NTRK1: variants seen among roughly 807,000 people sequenced by gnomAD.
NTRK1 encodes high affinity nerve growth factor receptor.
In NTRK1, 62 loss-of-function variants were observed where a neutral mutation model predicts 86.8. The ratio of observed to expected loss-of-function variants is 0.71; its 90% CI spans 0.58 to 0.88. The LOEUF is 0.88. NTRK1 is among the 40% of genes least tolerant of loss of function. The probability of loss-of-function intolerance (pLI) is 0.00; values close to 1 mark genes in which losing one functional copy is unlikely to be tolerated. For synonymous variants in NTRK1, 469 were observed against 456.6 expected (o/e 1.03, Z -0.35); for missense variants, 967 against 1,078.4 (o/e 0.90, Z 1.45).
intron 1 of NTRK1, chr1:156,841,565 T>G: frequency 6.2e-7 from 1 of 1,613,416 alleles, no homozygotes; most frequent in African/African-American, 1.3e-5. Flanking sequence ...CCAGCACCCT[T>G]CGTGCTACTC....
At chr1:156,842,935 C>A (rs913059285) in intron 2 of NTRK1, 110 of 1,242,102 alleles carry the variant, frequency 8.9e-5, no homozygotes, top group Non-Finnish European at 1.2e-4. Flanking sequence ...TCATCTCTGA[C>A]CCTTTCTTTC....
rs777123174 is a variant in NTRK1 at position 156,876,506 on chromosome 1, C to A, written c.1739C>A (p.Thr580Asn). The change falls in exon 14 of 17, where the codon ACC becomes AAC. Residue 580 changes from threonine to asparagine, a missense_variant. Coordinates refer to ENST00000524377, the MANE Select transcript of NTRK1 (RefSeq NM_002529.4). ...QHIVRFFGVC[T>N]EGRPLLMVFE... ...ATCGTGCGCTTCTTCGGCGTCTGCA[C>A]CGAGGGCCGCCCCCTGCTCATGGTC... is the stretch of plus-strand genomic sequence containing the variant. The A allele has an allele frequency of 3.7e-6, 6 of 1,613,602 alleles. No individual in the cohort carries two copies. Among genetic ancestry groups the A allele is most frequent in the Admixed American group, 1.7e-5 (1 of 60,000 alleles).
intron 13 of NTRK1, 42 bp from the exon 14 acceptor site, chr1:156,876,358 C>A (rs1048669398): frequency 1.2e-6 from 2 of 1,612,692 alleles, no homozygotes; most frequent in Non-Finnish European, 1.7e-6. Context: ...GCAGTGAGGG[C>A]TCGGCCCCCA....
At chr1:156,818,766 C>T (rs112233754) in intron 1 of NTRK1, among the ~76,000 whole-genome samples, 4,969 of 152,268 alleles carry the variant, frequency 0.033, 322 homozygotes, top group African/African-American at 0.11. Flanking sequence ...CAATTGCAAA[C>T]TGTGCTGCTA....
intron 1 of NTRK1, chr1:156,841,199 C>T: frequency 1.9e-6 from 2 of 1,079,526 alleles, no homozygotes; most frequent in Admixed American, 2.0e-5. Context: ...GAGTGGGGAT[C>T]GTGGGCCATT....
chr1:156,834,703 G>C (rs1375435603), intron 1 of NTRK1, among the ~76,000 whole-genome samples: 1 of 151,626 alleles, frequency 6.6e-6, no homozygotes, highest in African/African-American at 2.4e-5. Context: ...TTCCAGCCTG[G>C]GTGATAGAGA....
upstream of NTRK1, among the ~76,000 whole-genome samples, chr1:156,857,672 C>T (rs1023213967): frequency 6.6e-6 from 1 of 152,180 alleles, no homozygotes. Context: ...CATCACTCTC[C>T]CATCTCCATG....
rs373158861 is a variant in NTRK1 at position 156,876,549 on chromosome 1, C to T, written c.1782C>T (p.His594=). The part of the protein sequence containing the change: ...PLLMVFEYMR[H]GDLNRFLRSH... The stretch of plus-strand genomic sequence containing the variant: ...TCATGGTCTTTGAGTATATGCGGCA[C>T]GGGGACCTCAACCGCTTCCTCCGGT... The change falls in exon 14 of 17, where the codon CAC becomes CAT. Residue 594 remains histidine (H), a synonymous_variant. Transcript: ENST00000524377. 10 of 1,612,858 alleles carry T rather than the reference C, an allele frequency of 6.2e-6. No homozygotes were observed. The highest frequency in any genetic ancestry group is 1.7e-4 in the Middle Eastern group (1 of 6,036).
chr1:156,867,972 CAG>C, intron 4 of NTRK1, 130 bp from the exon 5 acceptor site: 1 of 1,006,916 alleles, frequency 9.9e-7, no homozygotes. Flanking sequence ...TTACTGGAGT[CAG>C]AGAGAAAGAC....
At chr1:156,829,279 G>A (rs1047111791) in intron 1 of NTRK1, among the ~76,000 whole-genome samples, 3 of 152,190 alleles carry the variant, frequency 2.0e-5, no homozygotes, top group African/African-American at 7.2e-5. Context: ...TGTCTCAACA[G>A]GGGACAGTGG....
At chr1:156,838,441 T>C (rs1455324335) in intron 1 of NTRK1, among the ~76,000 whole-genome samples, 1 of 152,050 alleles carries the variant, frequency 6.6e-6, no homozygotes, top group Non-Finnish European at 1.5e-5. Flanking sequence ...CGGGTGTTTC[T>C]GTATTTCAGT....
chr1:156,818,180 G>A (rs778220033), intron 1 of NTRK1, among the ~76,000 whole-genome samples: 14 of 152,152 alleles, frequency 9.2e-5, no homozygotes, highest in Non-Finnish European at 1.8e-4. Context: ...TTAGGCCAAA[G>A]GTTCATGACT....
intron 2 of NTRK1, chr1:156,849,134 A>G: frequency 2.5e-6 from 4 of 1,597,260 alleles, no homozygotes; most frequent in Non-Finnish European, 3.4e-6. Flanking sequence ...ATTCCCAGTG[A>G]GACCTCTGAG....
In NTRK1 at chr1:156,849,393, G is replaced by A. The variant is rs757183607; in HGVS notation, c.50+7200G>A. On this transcript the variant is annotated intron_variant, in intron 2 of 16. Coordinates refer to the NTRK1 transcript ENST00000392302. Reference sequence around the variant, plus strand: ...TAGATCTTGCCCACGGGAATGGTGAGCCCCGCGGCCACCCAGGACCCTAGC... The same window carrying A: ...TAGATCTTGCCCACGGGAATGGTGAACCCCGCGGCCACCCAGGACCCTAGC... 3 of 1,612,072 alleles carry A rather than the reference G, an allele frequency of 1.9e-6. No individual in the cohort carries two copies. The highest frequency in any genetic ancestry group is 2.5e-6 in the Non-Finnish European group (3 of 1,179,156).
chr1:156,861,696 C>T (rs572692097), intron 1 of NTRK1, among the ~76,000 whole-genome samples: 33 of 152,282 alleles, frequency 2.2e-4, no homozygotes, highest in African/African-American at 7.9e-4. Flanking sequence ...TTTTACCATT[C>T]CTTCCCCCAG....
At chr1:156,832,791 G>A (rs1306322862) in intron 1 of NTRK1, among the ~76,000 whole-genome samples, 1 of 152,172 alleles carries the variant, frequency 6.6e-6, no homozygotes, top group Non-Finnish European at 1.5e-5. Context: ...CTTCATTTAT[G>A]GTGCTCTTGT....
At chr1:156,843,088 C>A (rs56266370) in intron 2 of NTRK1, 1 of 1,614,022 alleles carries the variant, frequency 6.2e-7, no homozygotes, top group African/African-American at 1.3e-5. Context: ...GCTCATTCAC[C>A]GTCTTCAGGG....
intron 1 of NTRK1, chr1:156,841,867 C>T: frequency 6.2e-7 from 1 of 1,610,436 alleles, no homozygotes; most frequent in Non-Finnish European, 8.5e-7. Flanking sequence ...CCCTGGGATA[C>T]CTCTCCCAAT....
chr1:156,875,957 GC>G (rs1367655599), intron 12 of NTRK1, 122 bp from the exon 13 acceptor site: 4 of 1,455,056 alleles, frequency 2.7e-6, no homozygotes, highest in Non-Finnish European at 3.9e-6. Context: ...TTGAATTTTA[GC>G]CCCCATGCAG....
Sources: gnomAD v4.1 joint callset for allele counts (sites outside exome capture counted in the v4.1 genomes callset) on GRCh38, gnomAD v4.1.1 for gene constraint, MANE v1.5 for transcripts, NCBI Gene and HGNC (gene_info 2026-07-23, HGNC 2026-07-21) for gene names.